NPAS3: variants seen among roughly 807,000 people sequenced by gnomAD.
NPAS3 encodes the protein neuronal PAS domain protein 3, also known as neuronal PAS domain-containing protein 3.
In NPAS3, 14 loss-of-function variants were observed where a neutral mutation model predicts 73.1. The observed-to-expected ratio is 0.19, with a 90% CI of 0.13 to 0.30. NPAS3 has a LOEUF of 0.30. Ranked by LOEUF, NPAS3 falls within the 10% of genes least tolerant of loss-of-function variation. NPAS3 has a pLI of 1.00. For missense variants in NPAS3, 1,096 were observed against 1,250.0 expected (o/e 0.88, Z 1.86); for synonymous variants, 620 against 541.5 (o/e 1.14, Z -2.01).
intron 2 of NPAS3, among the ~76,000 whole-genome samples, chr14:33,186,335 A>G (rs1337991382): frequency 6.6e-6 from 1 of 152,188 alleles, no homozygotes; most frequent in African/African-American, 2.4e-5. Context: ...GAGGGCTGTA[A>G]TGATTTTATT....
rs140264041 is a variant in NPAS3, at chr14:33,723,519, C to T, written c.734-11695C>T. Among the ~76,000 whole-genome samples, 866 of 152,168 alleles carry T rather than the reference C, an allele frequency of 5.7e-3. 6 individuals are homozygous for T. The highest frequency in any genetic ancestry group is 9.9e-3 in the African/African-American group (410 of 41,528). On this transcript the variant is annotated intron_variant, in intron 6 of 11. Coordinates refer to ENST00000356141, the Ensembl canonical transcript of NPAS3. ...GCCACTAACTTTTCTACAAGCCTCACGTCTGCCTCTTCACCCTCACTGAGA... is the reference window on the plus strand; with the variant it reads ...GCCACTAACTTTTCTACAAGCCTCATGTCTGCCTCTTCACCCTCACTGAGA...
intron 5 of NPAS3, among the ~76,000 whole-genome samples, chr14:33,586,141 G>GGGGATGGGAAAATGAGGCATCTT (rs2056849234): frequency 6.6e-6 from 1 of 151,490 alleles, no homozygotes; most frequent in African/African-American, 2.4e-5. Flanking sequence ...TCTCTTCTTT[G>GGGGATGGGAAAATGAGGCATCTT]GGGATGGGAA....
intron 3 of NPAS3, among the ~76,000 whole-genome samples, chr14:33,301,781 A>T (rs912506257): frequency 1.3e-5 from 2 of 152,230 alleles, no homozygotes; most frequent in Non-Finnish European, 2.9e-5. Context: ...TAACACACAG[A>T]GAATTATTTT....
At chr14:33,665,051 TGC>T (rs1567104434) in intron 5 of NPAS3, among the ~76,000 whole-genome samples, 1 of 152,206 alleles carries the variant, frequency 6.6e-6, no homozygotes, top group African/African-American at 2.4e-5. Context: ...TAAAGACACA[TGC>T]GCACACATGT....
At chr14:33,267,827 G>C (rs1209665179) in intron 3 of NPAS3, among the ~76,000 whole-genome samples, 1 of 152,172 alleles carries the variant, frequency 6.6e-6, no homozygotes, top group African/African-American at 2.4e-5. Flanking sequence ...TGGGCATGCA[G>C]AGGAGTGCTA....
chr14:33,772,088 C>A lies in NPAS3; in HGVS notation c.853-2249C>A, dbSNP rs371043594. On this transcript the variant is annotated intron_variant, in intron 7 of 11. Coordinates refer to ENST00000356141, the Ensembl canonical transcript of NPAS3. ...TATGATCCTTTAAAATAGTCAGTCACTAATTAGGCTTTTGAAAAACACCAA... is the reference window on the plus strand; with the variant it reads ...TATGATCCTTTAAAATAGTCAGTCAATAATTAGGCTTTTGAAAAACACCAA... Among the ~76,000 whole-genome samples the A allele has an allele frequency of 4.3e-4, 65 of 152,254 alleles. No individual in the cohort carries two copies. In the South Asian group the frequency reaches 0.013, roughly 31 times the overall value.
At chr14:33,127,248 C>A (rs533550418) in intron 2 of NPAS3, among the ~76,000 whole-genome samples, 1 of 152,128 alleles carries the variant, frequency 6.6e-6, no homozygotes, top group South Asian at 2.1e-4. Flanking sequence ...CCAAGCTTTG[C>A]TGTAGTTTTT....
chr14:33,005,605 C>A (rs7157953), intron 1 of NPAS3, among the ~76,000 whole-genome samples: 6 of 151,884 alleles, frequency 4.0e-5, no homozygotes, highest in East Asian at 1.9e-4. Flanking sequence ...CTGAAATAAT[C>A]TGTGCTGGAA....
intron 3 of NPAS3, among the ~76,000 whole-genome samples, chr14:33,305,263 C>T (rs1010221590): frequency 2.4e-4 from 37 of 151,896 alleles, no homozygotes; most frequent in African/African-American, 8.4e-4. Flanking sequence ...AGTCATTTTG[C>T]TTCTTAAGTT....
intron 3 of NPAS3, among the ~76,000 whole-genome samples, chr14:33,308,524 A>ATG (rs2042853944): frequency 3.0e-5 from 3 of 98,900 alleles, no homozygotes; most frequent in South Asian, 5.4e-4. Flanking sequence ...ATATATATAT[A>ATG]TATACATACA....
chr14:33,437,443 G>T (rs916684036), intron 4 of NPAS3, among the ~76,000 whole-genome samples: 2 of 152,098 alleles, frequency 1.3e-5, no homozygotes, highest in African/African-American at 4.8e-5. Flanking sequence ...TGAAACCCTT[G>T]GTCCCTGAGC....
intron 5 of NPAS3, among the ~76,000 whole-genome samples, chr14:33,565,529 T>TG (rs372735906): frequency 1.3e-5 from 2 of 152,214 alleles, no homozygotes; most frequent in African/African-American, 4.8e-5. Context: ...TTCCATTCTG[T>TG]GTTTTTCAAT....
At chr14:33,361,482 T>C (rs890627792) in intron 3 of NPAS3, among the ~76,000 whole-genome samples, 1 of 152,224 alleles carries the variant, frequency 6.6e-6, no homozygotes, top group African/African-American at 2.4e-5. Flanking sequence ...ATAAATACAC[T>C]TCTTTAAGAA....
chr14:33,110,235 G>A (rs769721569), intron 2 of NPAS3, among the ~76,000 whole-genome samples: 1 of 152,010 alleles, frequency 6.6e-6, no homozygotes, highest in Non-Finnish European at 1.5e-5. Flanking sequence ...GTTTACATAT[G>A]ACTGATCTTT....
chr14:33,103,460 T>C (rs2042635435), intron 2 of NPAS3, among the ~76,000 whole-genome samples: 1 of 152,218 alleles, frequency 6.6e-6, no homozygotes, highest in Admixed American at 6.5e-5. Context: ...ATTCTACATA[T>C]TTAGGCTTTT....
intron 2 of NPAS3, among the ~76,000 whole-genome samples, chr14:33,123,117 T>C (rs2043293152): frequency 6.6e-6 from 1 of 152,050 alleles, no homozygotes; most frequent in Non-Finnish European, 1.5e-5. Flanking sequence ...TAAATAAATT[T>C]AGATAATTAA....
chr14:33,095,385 G>T (rs1453977909), intron 2 of NPAS3, among the ~76,000 whole-genome samples: 6 of 152,174 alleles, frequency 3.9e-5, no homozygotes, highest in African/African-American at 1.2e-4. Context: ...TATGATGCAT[G>T]TTTAGTAACT....
rs1366008507 is a variant in NPAS3, at chr14:33,217,012, G to A, written c.385+1586G>A. Among the ~76,000 whole-genome samples, 4 of 152,260 alleles carry A rather than the reference G, an allele frequency of 2.6e-5. No homozygotes were observed. The South Asian group carries it at 6.2e-4, about 24-fold the overall frequency. ...ACCCGAGAATGGATAAACAAAAAAG[G>A]TTTAATTGACACACAGTTCCGCATG... is the stretch of plus-strand genomic sequence containing the variant. On this transcript the variant is annotated intron_variant, in intron 3 of 11. Transcript: ENST00000356141.
chr14:32,977,948 A>C (rs1183198304), intron 1 of NPAS3, among the ~76,000 whole-genome samples: 1 of 152,208 alleles, frequency 6.6e-6, no homozygotes, highest in Non-Finnish European at 1.5e-5. Flanking sequence ...GCAAAGTTGG[A>C]CTTAAAATGA....
Sources: gnomAD v4.1 joint callset for allele counts (sites outside exome capture counted in the v4.1 genomes callset) on GRCh38, gnomAD v4.1.1 for gene constraint, MANE v1.5 for transcripts, NCBI Gene and HGNC (gene_info 2026-07-23, HGNC 2026-07-21) for gene names.